PTPRA: variants seen among roughly 807,000 people sequenced by gnomAD.
PTPRA encodes the protein receptor-type tyrosine-protein phosphatase alpha.
Under a neutral mutation model 104.8 loss-of-function variants are expected in PTPRA, and 25 were observed. That is an observed-to-expected ratio of 0.24 (90% CI 0.17 to 0.33). The LOEUF (loss-of-function observed/expected upper bound fraction) is 0.33. Ranked by LOEUF, PTPRA falls within the 10% of genes least tolerant of loss-of-function variation. PTPRA has a pLI of 1.00. For missense variants in PTPRA, 765 were observed against 1,015.3 expected, an observed-to-expected ratio of 0.75 and a Z score of 3.35; for synonymous variants, 323 against 368.9, an observed-to-expected ratio of 0.88 and a Z score of 1.43.
At chr20:2,875,456 G>T (rs2089658502) in intron 1 of PTPRA, among the ~76,000 whole-genome samples, 1 of 152,094 alleles carries the variant, frequency 6.6e-6, no homozygotes, top group Admixed American at 6.6e-5. Flanking sequence ...GTGAAATACA[G>T]AACCAGAAAA....
the PTPRA span, chr20:2,864,215 C>T: frequency 1.7e-5 from 27 of 1,614,198 alleles, no homozygotes; most frequent in Non-Finnish European, 2.3e-5. The surrounding 1 kb of genome is among the most constrained non-coding windows in gnomAD (Gnocchi z 5.2). Context: ...GGAGCAGGTA[C>T]CCCTTCTCCT....
intron 1 of PTPRA, among the ~76,000 whole-genome samples, chr20:2,910,037 C>A (rs2059604809): frequency 8.5e-6 from 1 of 118,150 alleles, no homozygotes; most frequent in South Asian, 2.4e-4. Flanking sequence ...TATATCATAT[C>A]ATATATAATA....
At chr20:2,952,177 A>G (rs1242450675) in intron 3 of PTPRA, among the ~76,000 whole-genome samples, 2 of 152,078 alleles carry the variant, frequency 1.3e-5, no homozygotes, top group South Asian at 2.1e-4. Flanking sequence ...ACCATTTTAT[A>G]TTTGCAACAA....
chr20:3,009,260 G>T (rs1255079923), intron 11 of PTPRA, among the ~76,000 whole-genome samples: 3 of 145,540 alleles, frequency 2.1e-5, no homozygotes, highest in Non-Finnish European at 3.0e-5. Flanking sequence ...TGATGGGGGT[G>T]GGGGGTGCTG....
intron 3 of PTPRA, 24 bp from the exon 4 acceptor site, chr20:2,964,248 C>G: frequency 6.4e-7 from 1 of 1,569,746 alleles, no homozygotes; most frequent in Non-Finnish European, 8.7e-7. Context: ...AGGACCTCAT[C>G]TAACATGACT....
At position 2,954,036 on chromosome 20, in the gene PTPRA, T is replaced by C. The variant is rs992670680; in HGVS notation, c.-7+6012T>C. Among the ~76,000 whole-genome samples, 6 of 150,966 alleles carry C rather than the reference T, an allele frequency of 4.0e-5. No individual in the cohort carries two copies. In the South Asian group the frequency reaches 1.0e-3, roughly 26 times the overall value. On this transcript the variant is annotated intron_variant, in intron 3 of 23. Transcript: ENST00000399903. ...GCAATCCTCCTGCCTCAGCCTTCCA[T>C]GTAGCTACGTCTACAGGCATGTGCC...
chr20:2,995,867 C>T (rs977858597), intron 9 of PTPRA, among the ~76,000 whole-genome samples: 1 of 152,104 alleles, frequency 6.6e-6, no homozygotes, highest in Non-Finnish European at 1.5e-5. Flanking sequence ...AACATTTCCC[C>T]TCTCCTTTTA....
chr20:2,943,064 T>C (rs2060979641), intron 2 of PTPRA, among the ~76,000 whole-genome samples: 1 of 151,892 alleles, frequency 6.6e-6, no homozygotes, highest in African/African-American at 2.4e-5. Context: ...TTTTCCCTCT[T>C]GCCAAGTTAT....
At chr20:3,019,135 CG>C (rs961955120) in intron 13 of PTPRA, among the ~76,000 whole-genome samples, 2 of 141,680 alleles carry the variant, frequency 1.4e-5, no homozygotes, top group African/African-American at 2.7e-5. Context: ...CTGGACGGGG[CG>C]GCTGGCCGGG....
At position 3,000,865 on chromosome 20, in the gene PTPRA, G is replaced by A. The variant is rs76718321; in HGVS notation, c.739-4191G>A. On this transcript the variant is annotated intron_variant, in intron 9 of 23. Transcript: ENST00000399903. ...TGAGATACAAATAAAGGAATGTAAT[G>A]ATAATTATAAAACTTCAGGTTTACC... Among the ~76,000 whole-genome samples the A allele has an allele frequency of 1.5e-3, 235 of 152,256 alleles. 7 individuals carry two copies. In the East Asian group the frequency reaches 0.041, roughly 27 times the overall value.
intron 5 of PTPRA, among the ~76,000 whole-genome samples, chr20:2,966,151 C>T (rs2061937673): frequency 6.6e-6 from 1 of 152,206 alleles, no homozygotes; most frequent in Non-Finnish European, 1.5e-5. Flanking sequence ...CCTTATAACT[C>T]AGACCCTTCA....
chr20:3,021,268 G>C, intron 13 of PTPRA, 41 bp from the exon 14 acceptor site: 1 of 1,612,192 alleles, frequency 6.2e-7, no homozygotes, highest in African/African-American at 1.3e-5. Context: ...GCCATGGGCA[G>C]GAGGTCTAAG....
At chr20:2,942,596 C>T (rs948082104) in intron 2 of PTPRA, among the ~76,000 whole-genome samples, 6 of 151,954 alleles carry the variant, frequency 3.9e-5, no homozygotes, top group Non-Finnish European at 8.8e-5. Context: ...GAACAAAAGG[C>T]TGACCTCCCC....
rs190177083 is a variant in PTPRA, at chr20:2,939,904, C to T, written c.-49-8078C>T. 2.0e-5 allele frequency among the ~76,000 whole-genome samples: 3 copies of T among 152,158 alleles called. No homozygotes were observed. The East Asian group carries it at 5.8e-4, about 29-fold the overall frequency. On this transcript the variant is annotated intron_variant, in intron 2 of 23. Coordinates refer to ENST00000399903, the MANE Select transcript of PTPRA (RefSeq NM_001385305.1). ...AGCGGATCACCTGAGGTGAGGAGTT[C>T]GAGACCAGCCTGGCCAACATGGTGA...
chr20:3,011,424 T>C (rs1164101686), intron 11 of PTPRA, among the ~76,000 whole-genome samples: 1 of 152,222 alleles, frequency 6.6e-6, no homozygotes, highest in Non-Finnish European at 1.5e-5. Flanking sequence ...TTAGGTTGTT[T>C]CCTGTAATGT....
At chr20:2,892,096 C>T (rs1196805327) in intron 1 of PTPRA, among the ~76,000 whole-genome samples, 1 of 151,902 alleles carries the variant, frequency 6.6e-6, no homozygotes, top group Non-Finnish European at 1.5e-5. Flanking sequence ...TCGAGACCAG[C>T]CTGGCCAATA....
At chr20:2,959,793 A>G (rs1268443702) in intron 3 of PTPRA, among the ~76,000 whole-genome samples, 3 of 152,046 alleles carry the variant, frequency 2.0e-5, no homozygotes, top group African/African-American at 4.8e-5. Context: ...TCTACTAACA[A>G]TACACAAATT....
rs71195813 is a variant in PTPRA at position 3,029,540 on chromosome 20, C to CTTTTTTTTTTTTTTTTTTTTT, written c.1920+1717_1920+1718insTTTTTTTTTTTTTTTTTTTTT. ...GACATACTTTGTAGGTCTTCATCAT[C>CTTTTTTTTTTTTTTTTTTTTT]TTTTTTTTTTTTTTTTTTGAGACGG... On this transcript the variant is annotated intron_variant, in intron 20 of 23. Coordinates refer to ENST00000399903, the MANE Select transcript of PTPRA (RefSeq NM_001385305.1). 2.0e-3 allele frequency among the ~76,000 whole-genome samples: 156 copies of CTTTTTTTTTTTTTTTTTTTTT among 78,058 alleles called. 30 individuals are homozygous for CTTTTTTTTTTTTTTTTTTTTT. Among genetic ancestry groups the CTTTTTTTTTTTTTTTTTTTTT allele is most frequent in the East Asian group, 4.0e-3 (8 of 1,996 alleles). 51.2% of individuals were successfully genotyped at this position (78,058 alleles called of 152,430 possible). A position where few individuals can be genotyped will look rare whatever the true frequency, so the allele number is the denominator to read the frequency against.
chr20:2,936,927 G>A (rs950183991), intron 2 of PTPRA, among the ~76,000 whole-genome samples: 1 of 151,496 alleles, frequency 6.6e-6, no homozygotes, highest in Admixed American at 6.6e-5. Context: ...CCCCTTTCCT[G>A]TTTTACAGTG....
Sources: gnomAD v4.1 joint callset for allele counts (sites outside exome capture counted in the v4.1 genomes callset) on GRCh38, gnomAD v4.1.1 for gene constraint, Gnocchi (gnomAD v3.1) non-coding constraint, MANE v1.5 for transcripts, NCBI Gene and HGNC (gene_info 2026-07-23, HGNC 2026-07-21) for gene names.